Variants in PDE7A observed in about 807,000 individuals in gnomAD.
The protein encoded by PDE7A is phosphodiesterase 7A.
Under a neutral mutation model 64.3 loss-of-function variants are expected in PDE7A, and 39 were observed. That is an observed-to-expected ratio of 0.61 (90% CI 0.47 to 0.79). The LOEUF is 0.79. Among genes scored for constraint, PDE7A ranks in the 30% least tolerant of loss-of-function variants. PDE7A has a pLI of 0.00. For missense variants in PDE7A, 470 were observed against 582.8 expected, an observed-to-expected ratio of 0.81 and a Z score of 1.99; for synonymous variants, 203 against 206.8, an observed-to-expected ratio of 0.98 and a Z score of 0.16.
intron 3 of PDE7A, among the ~76,000 whole-genome samples, chr8:65,775,498 C>T (rs931434578): frequency 2.6e-5 from 4 of 152,196 alleles, no homozygotes; most frequent in African/African-American, 9.7e-5. Flanking sequence ...TTATGGTCTA[C>T]CTCTTTGACC....
intron 1 of PDE7A, among the ~76,000 whole-genome samples, chr8:65,810,617 T>G (rs546905855): frequency 4.6e-5 from 7 of 152,304 alleles, no homozygotes; most frequent in African/African-American, 1.7e-4. Flanking sequence ...ATCATCCTAT[T>G]TTTTAAGGAT....
chr8:65,797,334 G>C (rs1049974097), intron 1 of PDE7A, among the ~76,000 whole-genome samples: 2 of 152,208 alleles, frequency 1.3e-5, no homozygotes, highest in Non-Finnish European at 2.9e-5. Context: ...TCTAAGAACA[G>C]GGAAATTTGG....
intron 1 of PDE7A, among the ~76,000 whole-genome samples, chr8:65,812,295 A>G (rs1277079147): frequency 6.6e-6 from 1 of 152,194 alleles, no homozygotes; most frequent in Non-Finnish European, 1.5e-5. Flanking sequence ...TTTCAAATAA[A>G]TGGAGAAAAG....
chr8:65,797,915 T>C (rs1225611742), intron 1 of PDE7A, among the ~76,000 whole-genome samples: 1 of 150,596 alleles, frequency 6.6e-6, no homozygotes, highest in Non-Finnish European at 1.5e-5. Flanking sequence ...TCTAAGAAAA[T>C]GTATGAGAAT....
chr8:65,716,105 C>T lies in PDE7A; in HGVS notation c.*3185G>A, dbSNP rs1378855660. On this transcript the variant is annotated 3_prime_UTR_variant, in exon 13 of 13. Coordinates refer to ENST00000401827, the MANE Select transcript of PDE7A (RefSeq NM_001242318.3). ...CCTAGGAGGTGGAGGCTGCAGTGAT[C>T]ATGCCACTGCACTCCAGCCTAGTTA... is the stretch of plus-strand genomic sequence containing the variant. Among the ~76,000 whole-genome samples, 1 of 140,028 alleles carries T rather than the reference C, an allele frequency of 7.1e-6. No homozygotes were observed. Among genetic ancestry groups the T allele is most frequent in the Non-Finnish European group, 1.5e-5 (1 of 65,746 alleles). 91.9% of individuals were successfully genotyped at this position (140,028 alleles called of 152,430 possible).
rs1351848264 is a variant in PDE7A, at chr8:65,736,863, T to G, written c.596-1969A>C. Among the ~76,000 whole-genome samples the G allele has an allele frequency of 2.0e-5, 3 of 149,618 alleles. No individual in the cohort carries two copies. In the East Asian group the frequency reaches 6.1e-4, roughly 30 times the overall value. ...GAGTTAATATTTCTAGCTCTTCATT[T>G]GGCTGTACATTCTTGGTATTGAGGC... On this transcript the variant is annotated intron_variant, in intron 6 of 12. Transcript: ENST00000401827.
Position 65,715,372 on chromosome 8 carries a change from TAAAA to T in PDE7A, c.*3914_*3917del, listed in dbSNP as rs1162786052. Among the ~76,000 whole-genome samples the T allele has an allele frequency of 2.7e-5, 4 of 149,458 alleles. No homozygotes were observed. The highest frequency in any genetic ancestry group is 5.9e-5 in the Non-Finnish European group (4 of 67,334). On this transcript the variant is annotated 3_prime_UTR_variant, in exon 13 of 13. Transcript: ENST00000401827. Reference sequence around the variant, plus strand: ...CCAACAAAGAGAGACCCTGTCTCTATAAAAAAGTTTTTTTTTTTTTTTTGAGACA... The same window carrying T: ...CCAACAAAGAGAGACCCTGTCTCTATAAGTTTTTTTTTTTTTTTTGAGACA...
chr8:65,803,967 C>T (rs1810053724), intron 1 of PDE7A, among the ~76,000 whole-genome samples: 1 of 152,152 alleles, frequency 6.6e-6, no homozygotes, highest in Non-Finnish European at 1.5e-5. Context: ...CACACATACA[C>T]ATTCTAGAAA....
intron 1 of PDE7A, among the ~76,000 whole-genome samples, chr8:65,836,327 C>A (rs1563525870): frequency 6.6e-6 from 1 of 152,184 alleles, no homozygotes; most frequent in Non-Finnish European, 1.5e-5. Context: ...ACAAATAGCA[C>A]AAGCAATACT....
chr8:65,727,041 A>C (rs1806641153), intron 8 of PDE7A, 75 bp from the exon 9 acceptor site: 2 of 984,298 alleles, frequency 2.0e-6, no homozygotes, highest in Non-Finnish European at 3.2e-6. Context: ...CAATACTGTT[A>C]GCAATATTAA....
At chr8:65,756,227 T>C (rs1808234594) in intron 3 of PDE7A, among the ~76,000 whole-genome samples, 11 of 152,244 alleles carry the variant, frequency 7.2e-5, no homozygotes, top group Admixed American at 5.2e-4. Context: ...TTGACTATAG[T>C]GTGTCTCAGT....
intron 1 of PDE7A, chr8:65,788,900 G>T (rs150028041): frequency 1.9e-6 from 3 of 1,611,588 alleles, no homozygotes; most frequent in Non-Finnish European, 1.7e-6. Context: ...TGATCCACTT[G>T]ATAAGAACCA....
At position 65,717,820 on chromosome 8, in the gene PDE7A, CAATT is replaced by C. The variant is rs1424780652; in HGVS notation, c.*1466_*1469del. ...AATGGCTGTTGCAACAAACTGTAAA[CAATT>C]AATAAACAGTCTTTTACAGTAACAA... is the stretch of plus-strand genomic sequence containing the variant. On this transcript the variant is annotated 3_prime_UTR_variant, in exon 13 of 13. Coordinates refer to ENST00000401827, the MANE Select transcript of PDE7A (RefSeq NM_001242318.3). 3.3e-5 allele frequency: 5 copies of C among 152,068 alleles called. No individual in the cohort carries two copies. Among genetic ancestry groups the C allele is most frequent in the African/African-American group, 9.7e-5 (4 of 41,414 alleles). 9.4% of individuals were successfully genotyped at this position (152,068 alleles called of 1,614,324 possible). A position where few individuals can be genotyped will look rare whatever the true frequency, so the allele number is the denominator to read the frequency against.
At chr8:65,773,742 T>C (rs1809178798) in intron 3 of PDE7A, among the ~76,000 whole-genome samples, 1 of 152,190 alleles carries the variant, frequency 6.6e-6, no homozygotes, top group East Asian at 1.9e-4. Flanking sequence ...AGATAGTACA[T>C]ATCCTATTTT....
chr8:65,836,815 G>C (rs922188972), intron 1 of PDE7A, among the ~76,000 whole-genome samples: 1 of 152,162 alleles, frequency 6.6e-6, no homozygotes, highest in African/African-American at 2.4e-5. Flanking sequence ...CATAAGGCTA[G>C]TGACTATCAT....
intron 6 of PDE7A, among the ~76,000 whole-genome samples, chr8:65,735,945 A>G (rs1232697664): frequency 3.3e-5 from 5 of 152,062 alleles, no homozygotes; most frequent in Non-Finnish European, 5.9e-5. Flanking sequence ...TATAATTTAT[A>G]TTTTTAGTAT....
intron 3 of PDE7A, among the ~76,000 whole-genome samples, chr8:65,776,874 G>C (rs934433050): frequency 1.3e-5 from 2 of 151,972 alleles, no homozygotes; most frequent in East Asian, 1.9e-4. Context: ...ATACTGGCCA[G>C]AACCTCTGAA....
rs1055306134 is a variant in PDE7A at position 65,820,327 on chromosome 8, C to T, written c.138+21044G>A. Among the ~76,000 whole-genome samples the T allele has an allele frequency of 1.4e-4, 22 of 152,014 alleles. 1 individual carries two copies. Among genetic ancestry groups the T allele is most frequent in the Admixed American group, 9.2e-4 (14 of 15,272 alleles). ...GGGAGGACTGCTTGAGTCCAGGATGCGGAGGTTGCTGTGAGCTGAGATCAT... is the reference window on the plus strand; with the variant it reads ...GGGAGGACTGCTTGAGTCCAGGATGTGGAGGTTGCTGTGAGCTGAGATCAT... On this transcript the variant is annotated intron_variant, in intron 1 of 12. Transcript: ENST00000401827.
intron 12 of PDE7A, chr8:65,719,763 C>A: frequency 6.8e-6 from 3 of 439,150 alleles, no homozygotes; most frequent in Non-Finnish European, 8.3e-6. Context: ...TTCTCAGTGG[C>A]ACAACTACAT....
Sources: gnomAD v4.1 joint callset for allele counts (sites outside exome capture counted in the v4.1 genomes callset) on GRCh38, gnomAD v4.1.1 for gene constraint, MANE v1.5 for transcripts, NCBI Gene and HGNC (gene_info 2026-07-23, HGNC 2026-07-21) for gene names.